Variants in MREG observed in about 807,000 individuals in gnomAD.
The protein encoded by MREG is dilute suppressor protein homolog.
A neutral mutation model predicts 28.5 loss-of-function variants in MREG; 31 were observed. The ratio of observed to expected loss-of-function variants is 1.09; its 90% CI spans 0.82 to 1.47. The LOEUF is 1.47. MREG is among the 40% of genes most tolerant of loss of function. The pLI, the probability that MREG is intolerant of heterozygous loss-of-function variation, is 0.00. For synonymous variants in MREG, 106 were observed against 95.2 expected, an observed-to-expected ratio of 1.11 and a Z score of -0.66; for missense variants, 256 against 257.4, an observed-to-expected ratio of 0.99 and a Z score of 0.04.
upstream of MREG, among the ~76,000 whole-genome samples, chr2:216,033,461 G>T (rs118147231): frequency 4.3e-3 from 653 of 152,100 alleles, 16 homozygotes; most frequent in East Asian, 0.055. Context: ...GTACTTCATG[G>T]AAAGAGAGAA....
chr2:216,007,741 G>GTT (rs1694197995), intron 1 of MREG, among the ~76,000 whole-genome samples: 1 of 70,204 alleles, frequency 1.4e-5, no homozygotes, highest in Non-Finnish European at 3.0e-5. Context: ...CCACTTAGCG[G>GTT]CTTTTTTTTT....
At chr2:215,986,556 T>C (rs1693577768) in intron 2 of MREG, among the ~76,000 whole-genome samples, 1 of 152,230 alleles carries the variant, frequency 6.6e-6, no homozygotes, top group South Asian at 2.1e-4. Context: ...GTGATATAGT[T>C]TGGCTGTGTC....
At chr2:216,015,206 T>C (rs550818157), upstream of MREG, among the ~76,000 whole-genome samples, 1 of 152,058 alleles carries the variant, frequency 6.6e-6, no homozygotes, top group East Asian at 1.9e-4. Flanking sequence ...TGTGCGTGTG[T>C]GTGTTGGGTG....
chr2:215,973,643 A>G (rs12327914), intron 2 of MREG, among the ~76,000 whole-genome samples: 138,669 of 152,236 alleles, frequency 0.91, 63,522 homozygotes, highest in Non-Finnish European at 0.96. Flanking sequence ...CTACCACTTC[A>G]ACCTGTTTTC....
chr2:216,017,528 G>A (rs1218487670), upstream of MREG, among the ~76,000 whole-genome samples: 4 of 152,134 alleles, frequency 2.6e-5, no homozygotes, highest in African/African-American at 4.8e-5. Flanking sequence ...TTAGAGTGGC[G>A]CTAGATGGTT....
In MREG at chr2:215,962,914, T is replaced by C. The variant is rs113656295; in HGVS notation, c.256-15801A>G. On this transcript the variant is annotated intron_variant, in intron 2 of 4. Transcript: ENST00000263268. The stretch of plus-strand genomic sequence containing the variant: ...AATTTGGGAGGCCAAAGCAGATGGA[T>C]TGCTTGAGCCCAGGAGTTTGAGACC... 3.5e-3 allele frequency among the ~76,000 whole-genome samples: 532 copies of C among 152,274 alleles called. 3 individuals carry two copies. Among genetic ancestry groups the C allele is most frequent in the African/African-American group, 0.011 (463 of 41,540 alleles).
At chr2:215,989,122 A>T (rs1312282757) in intron 2 of MREG, among the ~76,000 whole-genome samples, 1 of 152,188 alleles carries the variant, frequency 6.6e-6, no homozygotes, top group East Asian at 1.9e-4. Context: ...GCAGGGGTCA[A>T]CAGATACCTC....
At chr2:215,984,860 C>A (rs1233666358) in intron 2 of MREG, among the ~76,000 whole-genome samples, 1 of 152,210 alleles carries the variant, frequency 6.6e-6, no homozygotes, top group Non-Finnish European at 1.5e-5. Context: ...AAATCCCTTT[C>A]GTACTCATTG....
chr2:215,988,334 C>T (rs1174882711), intron 2 of MREG, among the ~76,000 whole-genome samples: 3 of 152,050 alleles, frequency 2.0e-5, no homozygotes, highest in Admixed American at 6.5e-5. Flanking sequence ...TGTGAGGGAT[C>T]GTGCTGTGAG....
chr2:215,981,498 G>T (rs760721123), intron 2 of MREG, among the ~76,000 whole-genome samples: 1 of 152,154 alleles, frequency 6.6e-6, no homozygotes, highest in Non-Finnish European at 1.5e-5. Flanking sequence ...CAGGAGCTGG[G>T]GAGTTATTGT....
chr2:215,954,446 AC>A (rs1692567314), intron 2 of MREG, among the ~76,000 whole-genome samples: 1 of 1,262 alleles, frequency 7.9e-4, no homozygotes, highest in Admixed American at 0.011. Context: ...TCTGTGTACA[AC>A]ACACACACAC....
At chr2:215,964,530 CA>C (rs1333596707) in intron 2 of MREG, among the ~76,000 whole-genome samples, 2 of 151,816 alleles carry the variant, frequency 1.3e-5, no homozygotes, top group African/African-American at 4.8e-5. Context: ...CACTAATGAG[CA>C]AAAGACATTG....
chr2:215,994,607 A>G (rs1438090400), intron 2 of MREG, among the ~76,000 whole-genome samples: 4 of 103,920 alleles, frequency 3.8e-5, no homozygotes, highest in Non-Finnish European at 7.1e-5. Context: ...AAGGAGAAGA[A>G]GAGGAAGAAG....
intron 1 of MREG, among the ~76,000 whole-genome samples, chr2:216,021,851 C>T (rs1033981351): frequency 6.6e-6 from 1 of 152,178 alleles, no homozygotes; most frequent in Non-Finnish European, 1.5e-5. Flanking sequence ...CCAACTGTGA[C>T]CATCTGAAAG....
In MREG at chr2:215,964,840, CAGATAGATAGATAGATAGATAGAT is replaced by C. The variant is rs71935773; in HGVS notation, c.256-17751_256-17728del. 7.1e-3 allele frequency among the ~76,000 whole-genome samples: 1,069 copies of C among 149,742 alleles called. 15 individuals are homozygous for C. The highest frequency in any genetic ancestry group is 0.025 in the African/African-American group (1,006 of 40,588). ...AGTTCTAAGAATCTAGACAGACAGA[CAGATAGATAGATAGATAGATAGAT>C]AGATAGATAGATAGATAGACAGACA... is the stretch of plus-strand genomic sequence containing the variant. On this transcript the variant is annotated intron_variant, in intron 2 of 4. Coordinates refer to ENST00000263268, the MANE Select transcript of MREG (RefSeq NM_018000.3).
intron 2 of MREG, among the ~76,000 whole-genome samples, chr2:215,961,653 C>T (rs917637307): frequency 6.6e-6 from 1 of 152,136 alleles, no homozygotes; most frequent in Non-Finnish European, 1.5e-5. Context: ...TCTTGAACTC[C>T]TGACCTCAAA....
At chr2:215,990,151 G>T (rs977178507) in intron 2 of MREG, among the ~76,000 whole-genome samples, 1 of 152,150 alleles carries the variant, frequency 6.6e-6, no homozygotes. Flanking sequence ...AGAGAGAAAG[G>T]TCGGGTTACC....
chr2:215,960,663 G>A (rs1004240231), intron 2 of MREG, among the ~76,000 whole-genome samples: 1 of 151,806 alleles, frequency 6.6e-6, no homozygotes, highest in African/African-American at 2.4e-5. Flanking sequence ...GTGAAACCCC[G>A]TCTCTACTAA....
At chr2:215,991,508 A>C (rs1178129449) in intron 2 of MREG, among the ~76,000 whole-genome samples, 1 of 152,172 alleles carries the variant, frequency 6.6e-6, no homozygotes. Flanking sequence ...AAACAAATTC[A>C]AAAGCTAGCA....
Sources: allele counts gnomAD v4.1 joint callset (sites outside exome capture counted in the v4.1 genomes callset), GRCh38; gene constraint gnomAD v4.1.1; transcripts MANE v1.5; gene names NCBI Gene and HGNC (gene_info 2026-07-23, HGNC 2026-07-21).